SLC38A11: variants seen among roughly 807,000 people sequenced by gnomAD.
SLC38A11 encodes solute carrier family 38 member 11, also known as putative sodium-coupled neutral amino acid transporter 11.
A neutral mutation model predicts 49.4 loss-of-function variants in SLC38A11; 51 were observed. The ratio of observed to expected loss-of-function variants is 1.03; its 90% CI spans 0.83 to 1.30. SLC38A11 has a LOEUF of 1.30. SLC38A11 is among the 50% of genes most tolerant of loss of function. The pLI, the probability that SLC38A11 is intolerant of heterozygous loss-of-function variation, is 0.00. For missense variants in SLC38A11, 574 were observed against 556.2 expected, an observed-to-expected ratio of 1.03 and a Z score of -0.32; for synonymous variants, 203 against 192.9, an observed-to-expected ratio of 1.05 and a Z score of -0.43.
chr2:164,947,346 G>T (rs1688204397), intron 3 of SLC38A11, among the ~76,000 whole-genome samples: 1 of 151,704 alleles, frequency 6.6e-6, no homozygotes, highest in African/African-American at 2.4e-5. Flanking sequence ...TGGCCAAGAT[G>T]GTCTCGAACT....
intron 4 of SLC38A11, among the ~76,000 whole-genome samples, chr2:164,945,162 A>G (rs17353680): frequency 0.069 from 10,461 of 152,014 alleles, 397 homozygotes; most frequent in Admixed American, 0.1. Flanking sequence ...TTAACATTTC[A>G]TTTTTTAAGA....
chr2:164,951,451 C>G (rs781033904), intron 3 of SLC38A11, among the ~76,000 whole-genome samples: 2 of 152,098 alleles, frequency 1.3e-5, no homozygotes, highest in Non-Finnish European at 2.9e-5. Context: ...AGGTCTCATG[C>G]TGCTAATTTA....
At chr2:164,953,739 C>T (rs1688672922) in intron 2 of SLC38A11, among the ~76,000 whole-genome samples, 1 of 152,070 alleles carries the variant, frequency 6.6e-6, no homozygotes, top group Non-Finnish European at 1.5e-5. Flanking sequence ...GTAACTCAAT[C>T]CAGATAAATG....
chr2:164,926,684 T>TA, intron 7 of SLC38A11, among the ~76,000 whole-genome samples: 1 of 151,812 alleles, frequency 6.6e-6, no homozygotes, highest in Admixed American at 6.6e-5. Context: ...TATGCAGCCA[T>TA]AAAAAAGGAT....
At chr2:164,922,331 G>C (rs1409574424) in intron 7 of SLC38A11, 1 of 152,152 alleles carries the variant, frequency 6.6e-6, no homozygotes, top group Admixed American at 6.5e-5. Flanking sequence ...CGGGAGTTGA[G>C]TGCTTTGGAT....
chr2:164,935,065 C>T (rs1367241169), intron 7 of SLC38A11, among the ~76,000 whole-genome samples: 2 of 152,086 alleles, frequency 1.3e-5, no homozygotes, highest in African/African-American at 4.8e-5. Context: ...CTCCAGGAAA[C>T]CTTCCCTGAT....
At chr2:164,921,569 A>T (rs1488978533) in intron 7 of SLC38A11, among the ~76,000 whole-genome samples, 3 of 150,584 alleles carry the variant, frequency 2.0e-5, no homozygotes. Context: ...GGTCTAAGGG[A>T]TCCTCCTGCT....
chr2:164,939,608 T>G, intron 5 of SLC38A11, 52 bp from the exon 6 acceptor site: 1 of 1,195,938 alleles, frequency 8.4e-7, no homozygotes, highest in Non-Finnish European at 1.2e-6. Flanking sequence ...AACACATTGG[T>G]GACACACTAA....
At chr2:164,928,860 T>C (rs938584906) in intron 7 of SLC38A11, among the ~76,000 whole-genome samples, 3 of 152,164 alleles carry the variant, frequency 2.0e-5, no homozygotes, top group African/African-American at 7.2e-5. Flanking sequence ...ATTCTTATCC[T>C]ATTGTTTCAA....
intron 2 of SLC38A11, among the ~76,000 whole-genome samples, chr2:164,953,568 T>C (rs968355899): frequency 6.6e-6 from 1 of 152,148 alleles, no homozygotes; most frequent in East Asian, 1.9e-4. Context: ...GGAGGTAGAA[T>C]TGTAAACAAG....
At chr2:164,912,435 GGTGA>G (rs1408001514) in intron 9 of SLC38A11, 1 of 151,946 alleles carries the variant, frequency 6.6e-6, no homozygotes. Context: ...CTTTGTTTCT[GGTGA>G]GTAAGTGACT....
intron 7 of SLC38A11, among the ~76,000 whole-genome samples, chr2:164,936,886 T>G (rs1265908911): frequency 6.6e-6 from 1 of 152,212 alleles, no homozygotes; most frequent in African/African-American, 2.4e-5. Context: ...TATCAGTTTT[T>G]ATCCTTAGTT....
chr2:164,917,273 G>C (rs756934610), intron 7 of SLC38A11, among the ~76,000 whole-genome samples: 3 of 152,094 alleles, frequency 2.0e-5, no homozygotes, highest in Non-Finnish European at 4.4e-5. Flanking sequence ...TCATAAGTTT[G>C]TTTATTCATC....
At chr2:164,945,315 C>G (rs1340804779) in intron 4 of SLC38A11, among the ~76,000 whole-genome samples, 1 of 149,126 alleles carries the variant, frequency 6.7e-6, no homozygotes, top group Non-Finnish European at 1.5e-5. Context: ...CTCTTGTTCA[C>G]TCTTTATTCT....
In SLC38A11 at chr2:164,894,453, A is replaced by G. The variant is rs1574713146; in HGVS notation, c.*3984T>C. On this transcript the variant is annotated 3_prime_UTR_variant, in exon 12 of 12. Coordinates refer to ENST00000685975, the MANE Select transcript of SLC38A11 (RefSeq NM_001351537.2). Reference sequence around the variant, plus strand: ...CATGTAAATTCTTTATCTGAATGACATTATCATTCATAACCCAGTTTTACT... The same window carrying G: ...CATGTAAATTCTTTATCTGAATGACGTTATCATTCATAACCCAGTTTTACT... Among the ~76,000 whole-genome samples the G allele has an allele frequency of 3.3e-5, 5 of 152,320 alleles. No individual in the cohort carries two copies. Among genetic ancestry groups the G allele is most frequent in the Admixed American group, 2.0e-4 (3 of 15,286 alleles).
chr2:164,924,922 C>A (rs1686462236), intron 7 of SLC38A11, among the ~76,000 whole-genome samples: 3 of 151,962 alleles, frequency 2.0e-5, no homozygotes, highest in Admixed American at 2.0e-4. Flanking sequence ...CCGCGCCCAG[C>A]TAATTTTTTG....
chr2:164,908,448 C>G (rs1323423613), intron 11 of SLC38A11, among the ~76,000 whole-genome samples, 192 bp downstream of exon 11: 2 of 152,036 alleles, frequency 1.3e-5, no homozygotes, highest in Admixed American at 6.6e-5. Context: ...TCTAAACAAC[C>G]ACTACTTTAA....
intron 11 of SLC38A11, among the ~76,000 whole-genome samples, chr2:164,899,626 T>G (rs974438674): frequency 2.0e-5 from 3 of 152,146 alleles, no homozygotes; most frequent in Non-Finnish European, 4.4e-5. Flanking sequence ...CATTAAAATT[T>G]TATGACAAAT....
In SLC38A11 at chr2:164,955,393, G is replaced by A; in HGVS notation, c.-146C>T. On this transcript the variant is annotated 5_prime_UTR_variant, in exon 1 of 12. Transcript: ENST00000685975. Reference sequence around the variant, plus strand: ...GGAGCCAGTTCCACGGGCGCCCCCTGCTCCCTCGGCAGGCCGCGAGGGCTG... The same window carrying A: ...GGAGCCAGTTCCACGGGCGCCCCCTACTCCCTCGGCAGGCCGCGAGGGCTG... 4 of 721,718 alleles carry A rather than the reference G, an allele frequency of 5.5e-6. No homozygotes were observed. The highest frequency in any genetic ancestry group is 9.3e-6 in the Non-Finnish European group (4 of 430,832). The allele number at this position is 721,718 out of a possible 1,614,324, so 44.7% of individuals were successfully genotyped here. A position where few individuals can be genotyped will look rare whatever the true frequency, so the allele number is the denominator to read the frequency against.
Sources: gnomAD v4.1 joint callset for allele counts (sites outside exome capture counted in the v4.1 genomes callset) on GRCh38, gnomAD v4.1.1 for gene constraint, MANE v1.5 for transcripts, NCBI Gene and HGNC (gene_info 2026-07-23, HGNC 2026-07-21) for gene names.